SEC62: variants seen among roughly 807,000 people sequenced by gnomAD.
SEC62 encodes the protein SEC62 preprotein translocation factor.
Under a neutral mutation model 47.5 loss-of-function variants are expected in SEC62, and 10 were observed. The observed-to-expected ratio is 0.21, with a 90% CI of 0.13 to 0.36. The LOEUF (loss-of-function observed/expected upper bound fraction) is 0.36, where lower values mean the gene tolerates loss of function less well. Ranked by LOEUF, SEC62 falls within the 10% of genes least tolerant of loss-of-function variation. The pLI is 1.00. For missense variants in SEC62, 327 were observed against 464.1 expected (o/e 0.70, Z 2.71); for synonymous variants, 136 against 150.5 (o/e 0.90, Z 0.71).
At position 169,993,156 on chromosome 3, in the gene SEC62, T is replaced by G. The variant is rs1715288478; in HGVS notation, c.*93T>G. Reference sequence around the variant, plus strand: ...TATTGAACACATGGCATTTGTAGCATTCTTTAAATCTATCTACTGAAATGT... The same window carrying G: ...TATTGAACACATGGCATTTGTAGCAGTCTTTAAATCTATCTACTGAAATGT... On this transcript the variant is annotated 3_prime_UTR_variant, in exon 8 of 8. Coordinates refer to ENST00000337002, the MANE Select transcript of SEC62 (RefSeq NM_003262.4). 1.1e-6 allele frequency: 1 copy of G among 904,334 alleles called. No individual in the cohort carries two copies. The highest frequency in any genetic ancestry group is 2.9e-5 in the Admixed American group (1 of 34,146). 56.0% of individuals were successfully genotyped at this position (904,334 alleles called of 1,614,324 possible).
intron 2 of SEC62, among the ~76,000 whole-genome samples, chr3:169,976,486 C>T (rs927470067): frequency 6.6e-6 from 1 of 152,148 alleles, no homozygotes; most frequent in Admixed American, 6.5e-5. Context: ...ATGTGCTAAT[C>T]TCTTCAGATA....
chr3:169,983,573 C>T, intron 5 of SEC62: 1 of 170,260 alleles, frequency 5.9e-6, no homozygotes, highest in Non-Finnish European at 1.2e-5. Context: ...TTCTTTTCTC[C>T]TCTGTCTGAG....
At chr3:169,971,018 G>A (rs1714684094) in intron 1 of SEC62, among the ~76,000 whole-genome samples, 2 of 151,710 alleles carry the variant, frequency 1.3e-5, no homozygotes, top group South Asian at 2.1e-4. Context: ...CACGTTGGAT[G>A]TGGTGGCTTG....
chr3:169,972,656 GGGCTCA>G (rs1222545086), intron 1 of SEC62, among the ~76,000 whole-genome samples: 10 of 147,470 alleles, frequency 6.8e-5, no homozygotes, highest in African/African-American at 1.5e-4. Flanking sequence ...CTGGTTTCCT[GGGCTCA>G]AGCAGTCTGC....
intron 3 of SEC62, among the ~76,000 whole-genome samples, chr3:169,979,675 C>T (rs1160830393): frequency 6.6e-6 from 1 of 152,190 alleles, no homozygotes; most frequent in African/African-American, 2.4e-5. Context: ...CAAGTCCTTC[C>T]TCTACCGAAT....
At chr3:169,982,597 G>A (rs1159200822) in intron 3 of SEC62, 110 bp from the exon 4 acceptor site, 1 of 1,299,034 alleles carries the variant, frequency 7.7e-7, no homozygotes, top group African/African-American at 1.5e-5. Flanking sequence ...AATTTCTCTT[G>A]TGTTGCTAAT....
chr3:169,975,504 G>A, intron 1 of SEC62, 104 bp from the exon 2 acceptor site: 1 of 731,260 alleles, frequency 1.4e-6, no homozygotes, highest in South Asian at 1.8e-5. Flanking sequence ...AGCAAGGCCT[G>A]TACTCCACTT....
intron 7 of SEC62, among the ~76,000 whole-genome samples, chr3:169,989,930 A>ATAT (rs1715198710): frequency 6.7e-6 from 1 of 148,520 alleles, no homozygotes; most frequent in Non-Finnish European, 1.5e-5. Context: ...GTCTTTATAT[A>ATAT]TATTATGTAT....
In SEC62 at chr3:169,996,400, T is replaced by TA. The variant is rs1373251002; in HGVS notation, c.*3338dup. ...CATTCACTCAGTAATACTGAGCACT[T>TA]ACCATGTACCAGAATTTTACTAGGC... is the stretch of plus-strand genomic sequence containing the variant. On this transcript the variant is annotated 3_prime_UTR_variant, in exon 8 of 8. Coordinates refer to ENST00000337002, the MANE Select transcript of SEC62 (RefSeq NM_003262.4). The TA allele has an allele frequency of 1.3e-5, 2 of 152,628 alleles. No homozygotes were observed. Among genetic ancestry groups the TA allele is most frequent in the Admixed American group, 6.5e-5 (1 of 15,282 alleles). 9.5% of individuals were successfully genotyped at this position (152,628 alleles called of 1,614,324 possible). A position where few individuals can be genotyped will look rare whatever the true frequency, so the allele number is the denominator to read the frequency against.
At chr3:169,985,722 AG>A (rs2108286237) in intron 5 of SEC62, 82 bp from the exon 6 acceptor site, 3 of 1,054,722 alleles carry the variant, frequency 2.8e-6, no homozygotes, top group Non-Finnish European at 4.2e-6. Context: ...GACTGCTTTA[AG>A]GGACCTAAAA....
At chr3:169,974,703 G>A (rs1393365066) in intron 1 of SEC62, among the ~76,000 whole-genome samples, 2 of 152,170 alleles carry the variant, frequency 1.3e-5, no homozygotes, top group African/African-American at 4.8e-5. Flanking sequence ...GAGAAGATGA[G>A]AAAGACAGTC....
chr3:169,972,746 A>T (rs1714729247), intron 1 of SEC62, among the ~76,000 whole-genome samples: 1 of 150,964 alleles, frequency 6.6e-6, no homozygotes, highest in Non-Finnish European at 1.5e-5. Context: ...GTATTTCAAA[A>T]ATATTTTTTC....
chr3:169,982,462 G>A (rs1441298080), intron 3 of SEC62, among the ~76,000 whole-genome samples: 1 of 151,938 alleles, frequency 6.6e-6, no homozygotes, highest in Non-Finnish European at 1.5e-5. Flanking sequence ...TATACTTAAG[G>A]TACATCATTA....
rs1715398034 is a variant in SEC62, at chr3:169,997,195, C to G, written c.*4132C>G. 1 of 152,190 alleles carries G rather than the reference C, an allele frequency of 6.6e-6. No homozygotes were observed. The highest frequency in any genetic ancestry group is 6.5e-5 in the Admixed American group (1 of 15,274). 9.4% of individuals were successfully genotyped at this position (152,190 alleles called of 1,614,324 possible). On this transcript the variant is annotated 3_prime_UTR_variant, in exon 8 of 8. Coordinates refer to ENST00000337002, the MANE Select transcript of SEC62 (RefSeq NM_003262.4). Reference sequence around the variant, plus strand: ...CAATGCGTTTATTTCATTTGTCCAACCTAGCACAGAGATCCTTTGATACTT... The same window carrying G: ...CAATGCGTTTATTTCATTTGTCCAAGCTAGCACAGAGATCCTTTGATACTT...
At chr3:169,982,133 T>C (rs1037027028) in intron 3 of SEC62, among the ~76,000 whole-genome samples, 1 of 152,228 alleles carries the variant, frequency 6.6e-6, no homozygotes, top group Non-Finnish European at 1.5e-5. Flanking sequence ...AATTTGATGT[T>C]GTGCACGTCC....
At position 169,992,586 on chromosome 3, in the gene SEC62, C is replaced by T. The variant is rs1576866180; in HGVS notation, c.731-8C>T. 1 of 1,596,034 alleles carries T rather than the reference C, an allele frequency of 6.3e-7. No individual in the cohort carries two copies. Among genetic ancestry groups the T allele is most frequent in the Non-Finnish European group, 8.5e-7 (1 of 1,172,034 alleles). On this transcript the variant is annotated splice_region_variant and splice_polypyrimidine_tract_variant and intron_variant, in intron 7 of 7. Transcript: ENST00000337002. This position sits in a 1 kb window ranked among gnomAD's most constrained non-coding sequence, Gnocchi z 4.0. ...ATTACTCAATTAGAGAAATTTTTCT[C>T]CCCACAGCTCGATGCATTCTATTTC...
At position 169,996,544 on chromosome 3, in the gene SEC62, C is replaced by G. The variant is rs893526171; in HGVS notation, c.*3481C>G. On this transcript the variant is annotated 3_prime_UTR_variant, in exon 8 of 8. Coordinates refer to ENST00000337002, the MANE Select transcript of SEC62 (RefSeq NM_003262.4). Reference sequence around the variant, plus strand: ...TTTTCCCCTCCAGCTCCACTCTGCTCTTGCCCACAAAGCTGACCCGAATGG... The same window carrying G: ...TTTTCCCCTCCAGCTCCACTCTGCTGTTGCCCACAAAGCTGACCCGAATGG... 2 of 152,584 alleles carry G rather than the reference C, an allele frequency of 1.3e-5. No homozygotes were observed. Among genetic ancestry groups the G allele is most frequent in the Admixed American group, 6.5e-5 (1 of 15,290 alleles). The allele number at this position is 152,584 out of a possible 1,614,324, so 9.5% of individuals were successfully genotyped here. A position where few individuals can be genotyped will look rare whatever the true frequency, so the allele number is the denominator to read the frequency against.
chr3:169,985,900 A>G (rs748945472), intron 6 of SEC62, 35 bp downstream of exon 6: 38 of 1,481,870 alleles, frequency 2.6e-5, no homozygotes, highest in African/African-American at 4.2e-5. Flanking sequence ...ATAAAGTGCA[A>G]TCTAAAATTT....
At chr3:169,989,529 CAT>C (rs1715190230) in intron 7 of SEC62, among the ~76,000 whole-genome samples, 1 of 151,524 alleles carries the variant, frequency 6.6e-6, no homozygotes, top group South Asian at 2.1e-4. Flanking sequence ...AAGGAAAAGT[CAT>C]AAACTTTGAT....
Sources: gnomAD v4.1 joint callset for allele counts (sites outside exome capture counted in the v4.1 genomes callset) on GRCh38, gnomAD v4.1.1 for gene constraint, Gnocchi (gnomAD v3.1) non-coding constraint, MANE v1.5 for transcripts, NCBI Gene and HGNC (gene_info 2026-07-23, HGNC 2026-07-21) for gene names.